Variants in TGIF1 observed in about 807,000 individuals in gnomAD.
The protein encoded by TGIF1 is homeobox protein TGIF1.
In TGIF1, 4 loss-of-function variants were observed where a neutral mutation model predicts 19.3. The observed-to-expected ratio is 0.21, with a 90% CI of 0.10 to 0.47. TGIF1 has a LOEUF of 0.47. Among genes scored for constraint, TGIF1 ranks in the 20% least tolerant of loss-of-function variants. The pLI is 0.98. For synonymous variants in TGIF1, 122 were observed against 129.3 expected (o/e 0.94, Z 0.38); for missense variants, 275 against 341.4 (o/e 0.81, Z 1.53).
At position 3,442,270 on chromosome 18, in the gene TGIF1, G is replaced by A. The variant is rs2082684796; in HGVS notation, c.-44-14084G>A. On this transcript the variant is annotated intron_variant, in intron 2 of 3. Coordinates refer to the TGIF1 transcript ENST00000401449. ...ATTGCTATTATAAATGGCTACTCTA[G>A]AGCTTTGGGAAGAAGTAACTGTGAT... Among the ~76,000 whole-genome samples the A allele has an allele frequency of 3.0e-5, 3 of 100,190 alleles. No individual in the cohort carries two copies. In the South Asian group the frequency reaches 1.1e-3, roughly 37 times the overall value. 65.7% of individuals were successfully genotyped at this position (100,190 alleles called of 152,430 possible).
chr18:3,416,234 T>C (rs1348508900), intron 1 of TGIF1, among the ~76,000 whole-genome samples: 1 of 152,148 alleles, frequency 6.6e-6, no homozygotes, highest in African/African-American at 2.4e-5. Flanking sequence ...AGAAAAACAT[T>C]TGCAGCTGGG....
chr18:3,451,806 G>T lies in TGIF1; in HGVS notation c.16+1301G>T, dbSNP rs2082946839. 3 of 1,300,228 alleles carry T rather than the reference G, an allele frequency of 2.3e-6. No individual in the cohort carries two copies. The highest frequency in any genetic ancestry group is 5.4e-5 in the South Asian group (2 of 36,734). The allele number at this position is 1,300,228 out of a possible 1,614,324, so 80.5% of individuals were successfully genotyped here. A position where few individuals can be genotyped will look rare whatever the true frequency, so the allele number is the denominator to read the frequency against. ...ACGCCCTAAGGACCCCTCCCCGCGG[G>T]ACGGAGGGAGGACTCGGGACAGGGA... On this transcript the variant is annotated intron_variant, in intron 1 of 2. Transcript: ENST00000343820. This position sits in a 1 kb window ranked among gnomAD's most constrained non-coding sequence, Gnocchi z 5.4.
At position 3,434,707 on chromosome 18, in the gene TGIF1, T is replaced by G. The variant is rs112059734; in HGVS notation, c.-45+16492T>G. ...TCCAGTCTGGGCGACAGAGTGAGAC[T>G]GTCTCAGAAAACGAAAATAAATAAG... On this transcript the variant is annotated intron_variant, in intron 2 of 3. Transcript: ENST00000401449. Among the ~76,000 whole-genome samples, 772 of 152,254 alleles carry G rather than the reference T, an allele frequency of 5.1e-3. 7 individuals carry two copies. The highest frequency in any genetic ancestry group is 0.018 in the African/African-American group (737 of 41,546).
At chr18:3,417,676 CA>C (rs1211940271) in intron 1 of TGIF1, among the ~76,000 whole-genome samples, 1 of 152,016 alleles carries the variant, frequency 6.6e-6, no homozygotes, top group African/African-American at 2.4e-5. Context: ...TCACACAAAA[CA>C]AAAATAGATA....
chr18:3,415,576 G>T (rs995063788), intron 1 of TGIF1: 1 of 252,556 alleles, frequency 4.0e-6, no homozygotes, highest in South Asian at 4.3e-5. Flanking sequence ...AGCCTAGGGC[G>T]GTTCTCAGGA....
chr18:3,413,747 T>C (rs1292847671), intron 1 of TGIF1, among the ~76,000 whole-genome samples: 1 of 152,178 alleles, frequency 6.6e-6, no homozygotes, highest in Non-Finnish European at 1.5e-5. Flanking sequence ...TGATTACAAA[T>C]GAGACTTTTC....
Position 3,456,236 on chromosome 18 carries a change from C to T in TGIF1, c.17-118C>T. ...TTCAGGACAGAAAACACTGCTCCTT[C>T]TCCTCGCTCTCAGTTGTTGGGAAAG... is the stretch of plus-strand genomic sequence containing the variant. On this transcript the variant is annotated intron_variant, in intron 1 of 2. Transcript: ENST00000343820. This position sits in a 1 kb window ranked among gnomAD's most constrained non-coding sequence, Gnocchi z 4.2. 1.0e-6 allele frequency: 1 copy of T among 998,660 alleles called. No individual in the cohort carries two copies. Among genetic ancestry groups the T allele is most frequent in the Non-Finnish European group, 1.6e-6 (1 of 624,914 alleles). The allele number at this position is 998,660 out of a possible 1,614,324, so 61.9% of individuals were successfully genotyped here. A position where few individuals can be genotyped will look rare whatever the true frequency, so the allele number is the denominator to read the frequency against.
Position 3,451,320 on chromosome 18 carries a change from T to G in TGIF1, c.16+815T>G. On this transcript the variant is annotated intron_variant, in intron 1 of 2. Coordinates refer to ENST00000343820, the MANE Select transcript of TGIF1 (RefSeq NM_003244.4). This position sits in a 1 kb window ranked among gnomAD's most constrained non-coding sequence, Gnocchi z 5.4. ...TTTACAACTAAAACTTGCCGTCAGT[T>G]TGGTTTAAAAACAAAATACACCGGA... 1 of 980,904 alleles carries G rather than the reference T, an allele frequency of 1.0e-6. No individual in the cohort carries two copies. The highest frequency in any genetic ancestry group is 1.2e-6 in the Non-Finnish European group (1 of 825,906). The allele number at this position is 980,904 out of a possible 1,614,324, so 60.8% of individuals were successfully genotyped here. A position where few individuals can be genotyped will look rare whatever the true frequency, so the allele number is the denominator to read the frequency against.
At chr18:3,425,591 C>T (rs745899428) in intron 2 of TGIF1, among the ~76,000 whole-genome samples, 2 of 152,126 alleles carry the variant, frequency 1.3e-5, no homozygotes, top group Non-Finnish European at 2.9e-5. Flanking sequence ...AGACCAGTGA[C>T]TCCTCTGGTG....
At chr18:3,434,582 G>A (rs868002611) in intron 2 of TGIF1, among the ~76,000 whole-genome samples, 2 of 151,998 alleles carry the variant, frequency 1.3e-5, no homozygotes, top group African/African-American at 4.8e-5. Flanking sequence ...AGGCGTGGTG[G>A]CATGCGCCTG....
chr18:3,447,467 A>G (rs1211822544), upstream of TGIF1: 2 of 567,078 alleles, frequency 3.5e-6, no homozygotes, highest in African/African-American at 3.8e-5. Flanking sequence ...GAGAAAAACG[A>G]ATCAACAAAA....
intron 2 of TGIF1, among the ~76,000 whole-genome samples, chr18:3,439,429 C>A (rs1243457111): frequency 6.6e-6 from 1 of 151,400 alleles, no homozygotes; most frequent in Non-Finnish European, 1.5e-5. Flanking sequence ...TCACCGCAAC[C>A]TCCTCCCAGG....
upstream of TGIF1, chr18:3,448,424 A>T (rs2082790133): frequency 2.0e-6 from 2 of 994,032 alleles, no homozygotes; most frequent in South Asian, 4.4e-5. Context: ...CACCGGGCGC[A>T]GCAGCTGATT....
Position 3,425,953 on chromosome 18 carries a change from A to G in TGIF1, c.-45+7738A>G, listed in dbSNP as rs553848306. 1.9e-3 allele frequency among the ~76,000 whole-genome samples: 291 copies of G among 152,056 alleles called. 2 individuals carry two copies. The highest frequency in any genetic ancestry group is 6.5e-3 in the African/African-American group (270 of 41,460). On this transcript the variant is annotated intron_variant, in intron 2 of 3. Transcript: ENST00000401449. The stretch of plus-strand genomic sequence containing the variant: ...CTTGGTGTGTCAGGAAACCCGCACC[A>G]TCCCCCTGCCCTGCCCTGCCCCCGC...
In TGIF1 at chr18:3,451,949, G is replaced by A. The variant is rs1187895564; in HGVS notation, c.16+1444G>A. The A allele has an allele frequency of 2.6e-6, 4 of 1,550,596 alleles. No individual in the cohort carries two copies. Among genetic ancestry groups the A allele is most frequent in the Admixed American group, 1.9e-5 (1 of 53,162 alleles). ...CGCTGTCTGTTGTGGTGGGCCTCCC[G>A]GGAATAAGTGAGGGGCTCTGTGTTT... On this transcript the variant is annotated intron_variant, in intron 1 of 2. Coordinates refer to ENST00000343820, the MANE Select transcript of TGIF1 (RefSeq NM_003244.4). The surrounding 1 kb of genome is among the most constrained non-coding windows in gnomAD (Gnocchi z 5.4).
chr18:3,425,114 C>A (rs899709282), intron 2 of TGIF1, among the ~76,000 whole-genome samples: 3 of 152,148 alleles, frequency 2.0e-5, no homozygotes, highest in African/African-American at 7.2e-5. Flanking sequence ...GAACTCTCAA[C>A]CCGTGAGGTT....
intron 2 of TGIF1, among the ~76,000 whole-genome samples, chr18:3,421,828 C>T (rs759579346): frequency 6.6e-6 from 1 of 152,036 alleles, no homozygotes; most frequent in Non-Finnish European, 1.5e-5. Flanking sequence ...GGCATTGTTA[C>T]CATGGAAGCT....
chr18:3,430,602 T>C (rs2082534195), intron 2 of TGIF1, among the ~76,000 whole-genome samples: 1 of 151,940 alleles, frequency 6.6e-6, no homozygotes, highest in African/African-American at 2.4e-5. Flanking sequence ...TGACACAGGC[T>C]CAAGCAATCC....
intron 1 of TGIF1, among the ~76,000 whole-genome samples, chr18:3,417,397 T>C (rs2082347259): frequency 6.6e-6 from 1 of 151,910 alleles, no homozygotes; most frequent in Non-Finnish European, 1.5e-5. Context: ...TGACCTCAGG[T>C]CATCCACCTG....
Sources: gnomAD v4.1 joint callset for allele counts (sites outside exome capture counted in the v4.1 genomes callset) on GRCh38, gnomAD v4.1.1 for gene constraint, Gnocchi (gnomAD v3.1) non-coding constraint, MANE v1.5 for transcripts, NCBI Gene and HGNC (gene_info 2026-07-23, HGNC 2026-07-21) for gene names.